TEX11: variants seen among roughly 807,000 people sequenced by gnomAD.
TEX11 encodes testis expressed 11, also known as testis-expressed protein 11.
A neutral mutation model predicts 84.4 loss-of-function variants in TEX11; 7 were observed. The ratio of observed to expected loss-of-function variants is 0.08; its 90% CI spans 0.05 to 0.16. The LOEUF (loss-of-function observed/expected upper bound fraction) is 0.16, where lower values mean the gene tolerates loss of function less well. Ranked by LOEUF, TEX11 falls within the 10% of genes least tolerant of loss-of-function variation. The probability of loss-of-function intolerance (pLI) is 1.00; values close to 1 mark genes in which losing one functional copy is unlikely to be tolerated. For missense variants in TEX11, 551 were observed against 660.5 expected (o/e 0.83, Z 1.82); for synonymous variants, 264 against 222.8 (o/e 1.18, Z -1.64).
intron 9 of TEX11, among the ~76,000 whole-genome samples, chrX:70,798,253 A>G (rs1376467655): frequency 9.0e-6 from 1 of 111,173 alleles, no homozygotes; most frequent in Non-Finnish European, 1.9e-5. Context: ...TAGTGTCAAA[A>G]AATAAAATAC....
downstream of TEX11, among the ~76,000 whole-genome samples, chrX:70,528,011 A>G (rs1199804612): frequency 1.8e-5 from 2 of 112,246 alleles, no homozygotes; most frequent in Non-Finnish European, 3.8e-5. Context: ...ACCCAGAAAG[A>G]GGCTGCTCAA....
rs2089433901 is a variant in TEX11 at position 70,624,930 on chromosome X, A to G, written c.1609-6T>C. The G allele has an allele frequency of 8.6e-7, 1 of 1,167,127 alleles. No homozygotes were observed. The highest frequency in any genetic ancestry group is 1.8e-5 in the African/African-American group (1 of 57,048). On this transcript the variant is annotated splice_polypyrimidine_tract_variant and splice_region_variant and intron_variant, in intron 18 of 29. Transcript: ENST00000374333. ...GCCACAATTTGTTGTCCATTCTAAA[A>G]AGAACAAATATAATACGTTAAATTA...
chrX:70,550,764 G>A (rs749422566), intron 28 of TEX11, among the ~76,000 whole-genome samples: 1 of 111,580 alleles, frequency 9.0e-6, no homozygotes, highest in Non-Finnish European at 1.9e-5. Flanking sequence ...GTGCTGGTGA[G>A]GATGTGGAGA....
intron 24 of TEX11, among the ~76,000 whole-genome samples, chrX:70,605,053 G>T (rs914829454): frequency 8.9e-6 from 1 of 111,890 alleles, no homozygotes; most frequent in African/African-American, 3.2e-5. Context: ...AAACAGATGA[G>T]TTCTTCCTTA....
chrX:70,734,743 A>G (rs1483119089), intron 11 of TEX11, among the ~76,000 whole-genome samples: 2 of 111,984 alleles, frequency 1.8e-5, no homozygotes, highest in Admixed American at 1.9e-4. Context: ...TGGGTGGTCC[A>G]GTATGATCAA....
At chrX:70,882,913 C>A (rs1457094278) in intron 2 of TEX11, among the ~76,000 whole-genome samples, 1 of 112,056 alleles carries the variant, frequency 8.9e-6, no homozygotes, top group African/African-American at 3.2e-5. Flanking sequence ...TTTATTAACT[C>A]ATTTTTGTCT....
intron 17 of TEX11, among the ~76,000 whole-genome samples, chrX:70,641,048 G>C (rs1406136415): frequency 9.0e-6 from 1 of 110,662 alleles, no homozygotes; most frequent in Non-Finnish European, 1.9e-5. Context: ...ACACACATAG[G>C]CTCAAAATAA....
chrX:70,552,661 C>CA (rs1480047214), intron 27 of TEX11, among the ~76,000 whole-genome samples: 3 of 111,270 alleles, frequency 2.7e-5, no homozygotes, highest in African/African-American at 9.8e-5. Context: ...GTTTTCCAGA[C>CA]AAAAAAAGTC....
intron 9 of TEX11, among the ~76,000 whole-genome samples, chrX:70,748,965 T>C (rs1041330476): frequency 1.9e-5 from 2 of 106,539 alleles, no homozygotes; most frequent in Non-Finnish European, 3.8e-5. Flanking sequence ...AAGAAAGGCA[T>C]TGGTAGCTTG....
intron 16 of TEX11, among the ~76,000 whole-genome samples, chrX:70,654,939 T>C (rs183995660): frequency 3.6e-4 from 39 of 109,550 alleles, no homozygotes; most frequent in African/African-American, 1.2e-3. Flanking sequence ...TTAGAGAAGA[T>C]CTATCTGGAA....
At position 70,881,005 on chromosome X, in the gene TEX11, CAAA is replaced by C. The variant is rs11284342; in HGVS notation, c.38-899_38-897del. ...CTGGGCAACATAGCAAGACATCATC[CAAA>C]AAAAAAAAAAAAAAAAAAAAAACTA... On this transcript the variant is annotated intron_variant, in intron 2 of 29. Transcript: ENST00000374333. Among the ~76,000 whole-genome samples the C allele has an allele frequency of 5.6e-3, 260 of 46,216 alleles. 11 individuals are homozygous for C. The East Asian group carries it at 0.12, about 22-fold the overall frequency. 40.1% of individuals were successfully genotyped at this position (46,216 alleles called of 115,157 possible).
chrX:70,753,534 G>T lies in TEX11; in HGVS notation c.693-9315C>A, dbSNP rs755532155. Among the ~76,000 whole-genome samples the T allele has an allele frequency of 4.6e-5, 5 of 109,812 alleles. No individual in the cohort carries two copies. The South Asian group carries it at 2.0e-3, about 44-fold the overall frequency. ...CCTTGAAGGGAAGGACCCAGTTCTG[G>T]CATCATTCATCACCTGCTAACAAAG... On this transcript the variant is annotated intron_variant, in intron 9 of 29. Coordinates refer to ENST00000374333, the MANE Select transcript of TEX11 (RefSeq NM_031276.3).
chrX:70,795,328 A>G (rs1361033411), intron 9 of TEX11, among the ~76,000 whole-genome samples: 1 of 110,689 alleles, frequency 9.0e-6, no homozygotes, highest in South Asian at 3.9e-4. Flanking sequence ...AAGGAGCACC[A>G]GGTAGCTCCC....
intron 17 of TEX11, among the ~76,000 whole-genome samples, chrX:70,640,751 A>C (rs1390357160): frequency 9.1e-6 from 1 of 110,471 alleles, no homozygotes; most frequent in African/African-American, 3.3e-5. Context: ...GCCTGCCCTA[A>C]AAGAGCTCCT....
intron 25 of TEX11, among the ~76,000 whole-genome samples, chrX:70,565,427 T>G (rs1381315510): frequency 1.8e-5 from 2 of 109,113 alleles, no homozygotes. Context: ...ATTTGTCAAT[T>G]TTGGCTTTGG....
chrX:70,853,846 C>T (rs749440563), intron 5 of TEX11, among the ~76,000 whole-genome samples: 5 of 112,016 alleles, frequency 4.5e-5, no homozygotes, highest in African/African-American at 9.7e-5. Context: ...GCCCTGGATG[C>T]GAACAGTAGG....
chrX:70,814,523 A>G (rs1008688149), intron 8 of TEX11, among the ~76,000 whole-genome samples: 1 of 112,797 alleles, frequency 8.9e-6, no homozygotes, highest in African/African-American at 3.2e-5. Context: ...TAATTCATTT[A>G]TGTGCCAAGA....
At chrX:70,548,983 T>G (rs781680210) in intron 28 of TEX11, among the ~76,000 whole-genome samples, 8 of 111,052 alleles carry the variant, frequency 7.2e-5, no homozygotes, top group Non-Finnish European at 1.5e-4. Context: ...CAGTGCAGTT[T>G]GCAGCTCCAA....
At chrX:70,511,263 A>G in the TEX11 span, among the ~76,000 whole-genome samples, 1 of 112,022 alleles carries the variant, frequency 8.9e-6, no homozygotes, top group African/African-American at 3.2e-5. Flanking sequence ...TTCAACCAAC[A>G]CACAATTCAG....
Sources: allele counts gnomAD v4.1 joint callset (sites outside exome capture counted in the v4.1 genomes callset), GRCh38; gene constraint gnomAD v4.1.1; transcripts MANE v1.5; gene names NCBI Gene and HGNC (gene_info 2026-07-23, HGNC 2026-07-21).